The following TRIM2 variants were observed in gnomAD, a reference collection of about 807,000 sequenced individuals.
TRIM2 encodes the protein tripartite motif containing 2, also known as tripartite motif-containing protein 2.
A neutral mutation model predicts 75.2 loss-of-function variants in TRIM2; 20 were observed. The ratio of observed to expected loss-of-function variants is 0.27; its 90% CI spans 0.19 to 0.39. TRIM2 has a LOEUF of 0.39. Among genes scored for constraint, TRIM2 ranks in the 10% least tolerant of loss-of-function variants. The pLI, the probability that TRIM2 is intolerant of heterozygous loss-of-function variation, is 1.00. For missense variants in TRIM2, 660 were observed against 990.8 expected (o/e 0.67, Z 4.48); for synonymous variants, 373 against 388.3 (o/e 0.96, Z 0.46).
chr4:153,279,097 A>G (rs555774276), intron 3 of TRIM2, among the ~76,000 whole-genome samples: 30 of 152,354 alleles, frequency 2.0e-4, no homozygotes, highest in South Asian at 4.1e-4. Flanking sequence ...GGTGGCAGAC[A>G]CTAAAGGCTG....
At chr4:153,324,452 G>T in intron 10 of TRIM2, 2 of 216,454 alleles carry the variant, frequency 9.2e-6, no homozygotes, top group Non-Finnish European at 1.8e-5. Context: ...GAAGCTTAAT[G>T]TTTTGTGGCT....
chr4:153,204,595 T>A, intron 1 of TRIM2, 35 bp downstream of exon 1: 1 of 1,551,674 alleles, frequency 6.4e-7, no homozygotes, highest in Non-Finnish European at 8.7e-7. Flanking sequence ...TAATTCTTTT[T>A]CTGGGCCAGC....
intron 1 of TRIM2, among the ~76,000 whole-genome samples, chr4:153,213,603 C>T (rs1256471602): frequency 6.6e-6 from 1 of 152,218 alleles, no homozygotes; most frequent in Non-Finnish European, 1.5e-5. Context: ...TTTTGGCTCA[C>T]TGCAACCTCT....
chr4:153,280,275 A>G (rs895645181), intron 3 of TRIM2, among the ~76,000 whole-genome samples: 1 of 152,084 alleles, frequency 6.6e-6, no homozygotes, highest in Non-Finnish European at 1.5e-5. Flanking sequence ...TGATACGCTT[A>G]TAACCCTGAT....
At chr4:153,206,353 A>G (rs1030388260) in intron 1 of TRIM2, among the ~76,000 whole-genome samples, 16 of 152,250 alleles carry the variant, frequency 1.1e-4, no homozygotes, top group East Asian at 1.9e-4. Flanking sequence ...GCTGTAAGTC[A>G]GAGATTGACT....
intron 1 of TRIM2, among the ~76,000 whole-genome samples, chr4:153,187,731 G>A (rs1201923364): frequency 6.6e-6 from 1 of 152,166 alleles, no homozygotes; most frequent in African/African-American, 2.4e-5. Flanking sequence ...GTCTGTGTGA[G>A]GTAGACCCCT....
Position 153,244,405 on chromosome 4 carries a change from C to CT in TRIM2, c.31-25928dup, listed in dbSNP as rs1553973174. Among the ~76,000 whole-genome samples, 12 of 85,550 alleles carry CT rather than the reference C, an allele frequency of 1.4e-4. 3 individuals carry two copies. Among genetic ancestry groups the CT allele is most frequent in the Non-Finnish European group, 2.1e-4 (10 of 46,988 alleles). The allele number at this position is 85,550 out of a possible 152,430, so 56.1% of individuals were successfully genotyped here. A position where few individuals can be genotyped will look rare whatever the true frequency, so the allele number is the denominator to read the frequency against. On this transcript the variant is annotated intron_variant, in intron 1 of 11. Transcript: ENST00000338700. ...TCTTCTTCTTCTTCTTCTTCTTCTT[C>CT]TTCTTCTTCTTCTTCTTCTTCTTCT...
At chr4:153,180,020 G>C (rs564315603) in intron 1 of TRIM2, among the ~76,000 whole-genome samples, 1 of 152,324 alleles carries the variant, frequency 6.6e-6, no homozygotes, top group South Asian at 2.1e-4. Context: ...CAGTACTCAA[G>C]TGAGTTTTAT....
chr4:153,286,698 T>C (rs2150109081), intron 3 of TRIM2, among the ~76,000 whole-genome samples: 1 of 152,192 alleles, frequency 6.6e-6, no homozygotes. Context: ...CTGATTTTTG[T>C]AATTTGAGTC....
intron 6 of TRIM2, among the ~76,000 whole-genome samples, chr4:153,298,318 G>A (rs1763165512): frequency 6.6e-6 from 1 of 152,198 alleles, no homozygotes; most frequent in South Asian, 2.1e-4. Flanking sequence ...TTTTCTCACA[G>A]TTCTGAAAAA....
At chr4:153,155,235 TA>T (rs1729122274) in intron 1 of TRIM2, among the ~76,000 whole-genome samples, 1 of 152,174 alleles carries the variant, frequency 6.6e-6, no homozygotes, top group African/African-American at 2.4e-5. Flanking sequence ...TTCTTGTTAA[TA>T]AAAACCAGAT....
At chr4:153,201,798 G>A (rs1438010521), upstream of TRIM2, among the ~76,000 whole-genome samples, 1 of 152,156 alleles carries the variant, frequency 6.6e-6, no homozygotes, top group African/African-American at 2.4e-5. Context: ...TTTTTAAAAT[G>A]ACAGGATCCT....
intron 3 of TRIM2, among the ~76,000 whole-genome samples, chr4:153,288,174 C>T (rs146057621): frequency 1.2e-3 from 181 of 152,220 alleles, no homozygotes; most frequent in African/African-American, 4.2e-3. Context: ...TGGTGGCTCG[C>T]ACCTGTAATC....
At chr4:153,274,038 C>A (rs531011726) in intron 2 of TRIM2, among the ~76,000 whole-genome samples, 3 of 152,274 alleles carry the variant, frequency 2.0e-5, no homozygotes, top group Admixed American at 2.0e-4. Context: ...GGGGAAGAGA[C>A]AGAAAGTATG....
chr4:153,312,698 C>A lies in TRIM2; in HGVS notation c.1511-2787C>A, dbSNP rs186945817. Reference sequence around the variant, plus strand: ...GAAATACCATTCGACCCAGCCATCCCATTACTGGGTATATATCCAAAGGAC... The same window carrying A: ...GAAATACCATTCGACCCAGCCATCCAATTACTGGGTATATATCCAAAGGAC... On this transcript the variant is annotated intron_variant, in intron 6 of 11. Coordinates refer to ENST00000338700, the MANE Select transcript of TRIM2 (RefSeq NM_015271.5). 3.7e-4 allele frequency among the ~76,000 whole-genome samples: 57 copies of A among 152,220 alleles called. 1 individual carries two copies. The East Asian group carries it at 0.011, about 28-fold the overall frequency.
rs1768759787 is a variant in TRIM2, at chr4:153,320,741, T to G, written c.1783-1907T>G. On this transcript the variant is annotated intron_variant, in intron 8 of 11. Transcript: ENST00000338700. ...TTCATCTCCCAGGTTCAAGTGATTC[T>G]CCTGCCTCAGCCTCCTGAGTAGCTG... Among the ~76,000 whole-genome samples, 4 of 152,292 alleles carry G rather than the reference T, an allele frequency of 2.6e-5. 1 individual carries two copies. Among genetic ancestry groups the G allele is most frequent in the Middle Eastern group, 6.8e-3 (2 of 294 alleles).
At chr4:153,239,159 T>C (rs1341308370) in intron 1 of TRIM2, among the ~76,000 whole-genome samples, 1 of 152,156 alleles carries the variant, frequency 6.6e-6, no homozygotes, top group Non-Finnish European at 1.5e-5. Context: ...GAGACCATCC[T>C]GGCTAACACA....
chr4:153,232,150 T>C (rs1177211865), intron 1 of TRIM2, among the ~76,000 whole-genome samples: 1 of 152,132 alleles, frequency 6.6e-6, no homozygotes, highest in East Asian at 1.9e-4. Flanking sequence ...CAATCTGAGG[T>C]ACTGGGAGAC....
At chr4:153,302,829 C>T (rs1017691337) in intron 6 of TRIM2, among the ~76,000 whole-genome samples, 1 of 152,166 alleles carries the variant, frequency 6.6e-6, no homozygotes, top group African/African-American at 2.4e-5. Context: ...TCTTATTACC[C>T]AAGATGGTAA....
Sources: allele counts gnomAD v4.1 joint callset (sites outside exome capture counted in the v4.1 genomes callset), GRCh38; gene constraint gnomAD v4.1.1; transcripts MANE v1.5; gene names NCBI Gene and HGNC (gene_info 2026-07-23, HGNC 2026-07-21).